The following EEF1A1 variants were observed in gnomAD, a reference collection of about 807,000 sequenced individuals.
EEF1A1 encodes elongation factor 1-alpha 1.
A neutral mutation model predicts 38.5 loss-of-function variants in EEF1A1; 1 was observed. The ratio of observed to expected loss-of-function variants is 0.03; its 90% CI spans 0.01 to 0.12. The LOEUF is 0.12. EEF1A1 is among the 10% of genes least tolerant of loss of function. EEF1A1 has a pLI of 1.00. For missense variants in EEF1A1, 184 were observed against 588.3 expected (o/e 0.31, Z 7.11); for synonymous variants, 229 against 203.7 (o/e 1.12, Z -1.06).
At position 73,518,233 on chromosome 6, in the gene EEF1A1, C is replaced by T. The variant is rs1346534333; in HGVS notation, c.1061G>A (p.Ser354Asn). The T allele has an allele frequency of 8.1e-6, 13 of 1,614,138 alleles. No individual in the cohort carries two copies. The highest frequency in any genetic ancestry group is 1.1e-5 in the Non-Finnish European group (13 of 1,180,028). Residue 354 changes from serine (S) to asparagine (N), a missense_variant, in exon 7 of 8, where the codon AGC becomes AAC. By Grantham distance (46) the Ser-to-Asn change is conservative (BLOSUM62 1). This residue lies in a region of EEF1A1 where 81 missense variants were observed against 286.3 expected (regional missense o/e 0.28). Coordinates refer to ENST00000309268, the MANE Select transcript of EEF1A1 (RefSeq NM_001402.6). ...VIILNHPGQISAGYAPVLDCH... is the reference protein window; with the variant it reads ...VIILNHPGQINAGYAPVLDCH... Reference sequence around the variant, plus strand: ...ATCCAATACAGGGGCATAGCCGGCGCTTATTTGGCCTGGATGGTTCAGGAT... The same window carrying T: ...ATCCAATACAGGGGCATAGCCGGCGTTTATTTGGCCTGGATGGTTCAGGAT...
chr6:73,520,918 G>A (rs985268292), intron 1 of EEF1A1, 82 bp downstream of exon 1: 6 of 152,788 alleles, frequency 3.9e-5, no homozygotes, highest in Non-Finnish European at 5.9e-5. Flanking sequence ...ACTGCAGCCA[G>A]GGGCGTGGAA....
rs1402491291 is a variant in EEF1A1 at position 73,516,412 on chromosome 6, C to T, written c.*1398G>A. On this transcript the variant is annotated 3_prime_UTR_variant, in exon 8 of 8. Coordinates refer to ENST00000309268, the MANE Select transcript of EEF1A1 (RefSeq NM_001402.6). ...ATCACCTAAGGTCAGGAGTTTGAGACCAGCCTGACCAACATGGAAAAACCT... is the reference window on the plus strand; with the variant it reads ...ATCACCTAAGGTCAGGAGTTTGAGATCAGCCTGACCAACATGGAAAAACCT... The T allele has an allele frequency of 6.6e-6, 1 of 151,804 alleles. No individual in the cohort carries two copies. Among genetic ancestry groups the T allele is most frequent in the Non-Finnish European group, 1.5e-5 (1 of 67,986 alleles). The allele number at this position is 151,804 out of a possible 1,614,324, so 9.4% of individuals were successfully genotyped here. A position where few individuals can be genotyped will look rare whatever the true frequency, so the allele number is the denominator to read the frequency against.
rs1416688771 is a variant in EEF1A1, at chr6:73,519,256, G to A, written c.325-28C>T. 3.1e-6 allele frequency: 5 copies of A among 1,606,382 alleles called. No homozygotes were observed. In the Admixed American group the frequency reaches 5.0e-5, roughly 16 times the overall value. On this transcript the variant is annotated intron_variant, in intron 3 of 7. Coordinates refer to ENST00000309268, the MANE Select transcript of EEF1A1 (RefSeq NM_001402.6). ...TTAAAGAAAGCAAAGACATATCCCT[G>A]TCAACTCTCCAAATGACAAAACCAG... is the stretch of plus-strand genomic sequence containing the variant.
chr6:73,515,846 AG>A lies in EEF1A1; in HGVS notation c.*1963del, dbSNP rs1437510398. The A allele has an allele frequency of 2.6e-5, 4 of 152,104 alleles. No homozygotes were observed. The highest frequency in any genetic ancestry group is 9.7e-5 in the African/African-American group (4 of 41,330). The allele number at this position is 152,104 out of a possible 1,614,324, so 9.4% of individuals were successfully genotyped here. A position where few individuals can be genotyped will look rare whatever the true frequency, so the allele number is the denominator to read the frequency against. Reference sequence around the variant, plus strand: ...AGTTGTCTAAGACACTGGGTTTCACAGGAAGTTAATCTCAATCTCAGTATAT... The same window carrying A: ...AGTTGTCTAAGACACTGGGTTTCACAGAAGTTAATCTCAATCTCAGTATAT... On this transcript the variant is annotated 3_prime_UTR_variant, in exon 8 of 8. Transcript: ENST00000309268.
intron 5 of EEF1A1, 33 bp downstream of exon 5, chr6:73,518,665 A>T (rs1259897635): frequency 6.2e-7 from 1 of 1,613,034 alleles, no homozygotes; most frequent in East Asian, 2.2e-5. Context: ...TACTCTATCA[A>T]CTCAAATTCA....
rs1359997660 is a variant in EEF1A1 at position 73,520,062 on chromosome 6, A to C, written c.-30-6T>G. ...AGGGGTAGTTTTCACGACACCTGAA[A>C]TGGAAGAAAAAAACTTTGAACCACT... On this transcript the variant is annotated splice_region_variant and splice_polypyrimidine_tract_variant and intron_variant, in intron 1 of 7. Coordinates refer to ENST00000309268, the MANE Select transcript of EEF1A1 (RefSeq NM_001402.6). 1.9e-6 allele frequency: 3 copies of C among 1,579,388 alleles called. No homozygotes were observed. Among genetic ancestry groups the C allele is most frequent in the Non-Finnish European group, 2.6e-6 (3 of 1,173,712 alleles).
At chr6:73,519,767 G>A in intron 2 of EEF1A1, 116 bp downstream of exon 2, 1 of 1,449,786 alleles carries the variant, frequency 6.9e-7, no homozygotes, top group Non-Finnish European at 9.3e-7. Context: ...CATAAGTAAG[G>A]TCTTAACTAT....
rs559927403 is a variant in EEF1A1, at chr6:73,516,660, C to G, written c.*1150G>C. The G allele has an allele frequency of 5.3e-5, 8 of 151,948 alleles. No homozygotes were observed. The highest frequency in any genetic ancestry group is 1.9e-4 in the African/African-American group (8 of 41,462). The allele number at this position is 151,948 out of a possible 1,614,324, so 9.4% of individuals were successfully genotyped here. Reference sequence around the variant, plus strand: ...ATTTTACCTATCCTTCAAACTTAAGCAAAAATTTTCCTTTTATAACCAAAA... The same window carrying G: ...ATTTTACCTATCCTTCAAACTTAAGGAAAAATTTTCCTTTTATAACCAAAA... On this transcript the variant is annotated 3_prime_UTR_variant, in exon 8 of 8. Coordinates refer to ENST00000309268, the MANE Select transcript of EEF1A1 (RefSeq NM_001402.6).
chr6:73,518,647 G>A (rs759141680), intron 5 of EEF1A1, 37 bp from the exon 6 acceptor site: 2 of 1,612,550 alleles, frequency 1.2e-6, no homozygotes, highest in Admixed American at 3.3e-5. Context: ...ACCTATGAAG[G>A]CAGACAGTAC....
Position 73,518,381 on chromosome 6 carries a change from T to G in EEF1A1, c.1002A>C (p.Pro334=). 1 of 1,613,782 alleles carries G rather than the reference T, an allele frequency of 6.2e-7. No individual in the cohort carries two copies. The highest frequency in any genetic ancestry group is 8.5e-7 in the Non-Finnish European group (1 of 1,180,012). ...GAGCAGTGAAGCCAGCTGCTTCCATTGGTGGGTCATTTTTGCTGTCACCAG... is the reference window on the plus strand; with the variant it reads ...GAGCAGTGAAGCCAGCTGCTTCCATGGGTGGGTCATTTTTGCTGTCACCAG... ...NVAGDSKNDP[P]MEAAGFTAQV... is the part of the protein sequence containing the mutation. The change falls in exon 6 of 8, where the codon CCA becomes CCC. Residue 334 remains proline, a synonymous_variant. Coordinates refer to ENST00000309268, the MANE Select transcript of EEF1A1 (RefSeq NM_001402.6).
Position 73,517,948 on chromosome 6 carries a change from A to T in EEF1A1, c.1265-14T>A. On this transcript the variant is annotated splice_polypyrimidine_tract_variant and intron_variant, in intron 7 of 7. Transcript: ENST00000309268. ...CAGCAAAGCGACCTATTAAAAAAAAAGTTAATTATTACCCAAAGTACTGTT... is the reference window on the plus strand; with the variant it reads ...CAGCAAAGCGACCTATTAAAAAAAATGTTAATTATTACCCAAAGTACTGTT... 6.2e-7 allele frequency: 1 copy of T among 1,613,876 alleles called. No individual in the cohort carries two copies. Among genetic ancestry groups the T allele is most frequent in the Non-Finnish European group, 8.5e-7 (1 of 1,179,954 alleles).
intron 4 of EEF1A1, 26 bp from the exon 5 acceptor site, chr6:73,518,874 G>A (rs745690302): frequency 2.5e-6 from 4 of 1,611,688 alleles, no homozygotes; most frequent in African/African-American, 1.3e-5. Flanking sequence ...GCCAATTTGT[G>A]TAAGCATGAA....
chr6:73,515,832 A>T lies in EEF1A1; in HGVS notation c.*1978T>A, dbSNP rs1334846106. 2 of 152,170 alleles carry T rather than the reference A, an allele frequency of 1.3e-5. No individual in the cohort carries two copies. Among genetic ancestry groups the T allele is most frequent in the African/African-American group, 2.4e-5 (1 of 41,396 alleles). 9.4% of individuals were successfully genotyped at this position (152,170 alleles called of 1,614,324 possible). ...GGTGCTCAAGCCACAGTTGTCTAAG[A>T]CACTGGGTTTCACAGGAAGTTAATC... On this transcript the variant is annotated 3_prime_UTR_variant, in exon 8 of 8. Coordinates refer to ENST00000309268, the MANE Select transcript of EEF1A1 (RefSeq NM_001402.6).
rs1384842382 is a variant in EEF1A1 at position 73,516,951 on chromosome 6, T to C, written c.*859A>G. The stretch of plus-strand genomic sequence containing the variant: ...TAGATTAGTCTAATTTTATAGCTAC[T>C]TCAAATTGCCATCTTTTTCTATTAG... On this transcript the variant is annotated 3_prime_UTR_variant, in exon 8 of 8. Transcript: ENST00000309268. 6.6e-6 allele frequency: 1 copy of C among 152,256 alleles called. No individual in the cohort carries two copies. Among genetic ancestry groups the C allele is most frequent in the Admixed American group, 6.5e-5 (1 of 15,280 alleles). The allele number at this position is 152,256 out of a possible 1,614,324, so 9.4% of individuals were successfully genotyped here.
chr6:73,519,989 A>G lies in EEF1A1; in HGVS notation c.38T>C (p.Ile13Thr). Residue 13 changes from isoleucine to threonine, a missense_variant, in exon 2 of 8, where the codon ATT becomes ACT. This residue lies in a region of EEF1A1 where 57 missense variants were observed against 228.1 expected (regional missense o/e 0.25). Coordinates refer to ENST00000309268, the MANE Select transcript of EEF1A1 (RefSeq NM_001402.6). ...GGACTTGCCCGAATCTACGTGTCCA[A>G]TGACGACAATGTTGATATGAGTCTT... ...KEKTHINIVVIGHVDSGKSTT... is the reference protein window; with the variant it reads ...KEKTHINIVVTGHVDSGKSTT... 1 of 1,601,908 alleles carries G rather than the reference A, an allele frequency of 6.2e-7. No individual in the cohort carries two copies. Among genetic ancestry groups the G allele is most frequent in the Non-Finnish European group, 8.5e-7 (1 of 1,179,836 alleles).
rs374374947 is a variant in EEF1A1 at position 73,518,018 on chromosome 6, A to G, written c.1264+12T>C. ...TAACACAACTTTTTTACATTTAAGT[A>G]GTCATCCTTACCCAAAGGTGGATAG... On this transcript the variant is annotated intron_variant, in intron 7 of 7. Transcript: ENST00000309268. 3.9e-5 allele frequency: 63 copies of G among 1,604,046 alleles called. No individual in the cohort carries two copies. The African/African-American group carries it at 5.3e-4, about 14-fold the overall frequency.
In EEF1A1 at chr6:73,518,031, C is replaced by T; in HGVS notation, c.1263G>A (p.Leu421=). The part of the protein sequence containing the change: ...CVESFSDYPP[L]GRFAVRDMRQ... Reference sequence around the variant, plus strand: ...TTACATTTAAGTAGTCATCCTTACCCAAAGGTGGATAGTCTGAGAAGCTCT... The same window carrying T: ...TTACATTTAAGTAGTCATCCTTACCTAAAGGTGGATAGTCTGAGAAGCTCT... Residue 421 remains leucine (L), a splice_region_variant and synonymous_variant, in exon 7 of 8, where the codon TTG becomes TTA. Coordinates refer to ENST00000309268, the MANE Select transcript of EEF1A1 (RefSeq NM_001402.6). 5 of 1,597,914 alleles carry T rather than the reference C, an allele frequency of 3.1e-6. No homozygotes were observed. Among genetic ancestry groups the T allele is most frequent in the Non-Finnish European group, 3.4e-6 (4 of 1,171,056 alleles).
intron 2 of EEF1A1, 88 bp downstream of exon 2, chr6:73,519,795 C>T (rs1765607055): frequency 6.4e-7 from 1 of 1,563,282 alleles, no homozygotes; most frequent in African/African-American, 1.4e-5. Flanking sequence ...CAGATCTAAA[C>T]CACTCACTAG....
rs1765532516 is a variant in EEF1A1, at chr6:73,516,946, G to A, written c.*864C>T. The A allele has an allele frequency of 6.6e-6, 1 of 152,154 alleles. No homozygotes were observed. Among genetic ancestry groups the A allele is most frequent in the African/African-American group, 2.4e-5 (1 of 41,436 alleles). 9.4% of individuals were successfully genotyped at this position (152,154 alleles called of 1,614,324 possible). A position where few individuals can be genotyped will look rare whatever the true frequency, so the allele number is the denominator to read the frequency against. Reference sequence around the variant, plus strand: ...CAATGTAGATTAGTCTAATTTTATAGCTACTTCAAATTGCCATCTTTTTCT... The same window carrying A: ...CAATGTAGATTAGTCTAATTTTATAACTACTTCAAATTGCCATCTTTTTCT... On this transcript the variant is annotated 3_prime_UTR_variant, in exon 8 of 8. Transcript: ENST00000309268.
Sources: gnomAD v4.1 joint callset for allele counts on GRCh38, gnomAD v4.1.1 for gene constraint, gnomAD v4.1.1 regional missense constraint, MANE v1.5 for transcripts, NCBI Gene and HGNC (gene_info 2026-07-23, HGNC 2026-07-21) for gene names.